FIG4: variants seen among roughly 807,000 people sequenced by gnomAD.
FIG4 encodes FIG4 phosphoinositide 5-phosphatase, also known as polyphosphoinositide phosphatase.
Under a neutral mutation model 118.6 loss-of-function variants are expected in FIG4, and 112 were observed. That is an observed-to-expected ratio of 0.94 (90% CI 0.81 to 1.11). FIG4 has a LOEUF of 1.11. Among genes scored for constraint, FIG4 ranks in the 50% least tolerant of loss-of-function variants. The pLI, the probability that FIG4 is intolerant of heterozygous loss-of-function variation, is 0.00. For synonymous variants in FIG4, 369 were observed against 381.2 expected (o/e 0.97, Z 0.37); for missense variants, 969 against 1,111.7 (o/e 0.87, Z 1.83).
At chr6:109,786,626 AT>A (rs1288895902) in intron 18 of FIG4, among the ~76,000 whole-genome samples, 177 bp downstream of exon 18, 2 of 152,124 alleles carry the variant, frequency 1.3e-5, no homozygotes, top group Admixed American at 1.3e-4. Flanking sequence ...AGCCCCTTCT[AT>A]TGTTCTATTG....
chr6:109,727,441 T>C (rs572627513), intron 4 of FIG4, among the ~76,000 whole-genome samples, 176 bp downstream of exon 4: 19 of 152,256 alleles, frequency 1.2e-4, no homozygotes, highest in Non-Finnish European at 2.1e-4. Context: ...ACAGTTTAGA[T>C]ATTATGAATG....
At chr6:109,717,165 AC>A (rs1775459083) in intron 3 of FIG4, among the ~76,000 whole-genome samples, 1 of 152,194 alleles carries the variant, frequency 6.6e-6, no homozygotes, top group Non-Finnish European at 1.5e-5. Flanking sequence ...GCTTTGGTTT[AC>A]CAACTCAGGT....
chr6:109,696,856 A>T (rs1278810669), intron 1 of FIG4, among the ~76,000 whole-genome samples: 1 of 152,156 alleles, frequency 6.6e-6, no homozygotes, highest in Admixed American at 6.5e-5. Context: ...TAAATAATTT[A>T]TCATAGATTT....
chr6:109,786,312 T>G lies in FIG4; in HGVS notation c.1959T>G (p.Ala653=). The G allele has an allele frequency of 6.2e-7, 1 of 1,612,446 alleles. No homozygotes were observed. The highest frequency in any genetic ancestry group is 8.5e-7 in the Non-Finnish European group (1 of 1,178,564). The part of the protein sequence containing the change: ...LPLPYDEVIC[A]VNLKKLIVKK... ...CAGTATCTCTCTTAGTTATCTGTGC[T>G]GTGAACTTAAAGAAGTTGATAGTGA... The change falls in exon 18 of 23, where the codon GCT becomes GCG. Residue 653 remains alanine (A), a synonymous_variant. Transcript: ENST00000230124.
Position 109,735,274 on chromosome 6 carries a change from G to A in FIG4, c.622G>A (p.Gly208Arg). 6.2e-7 allele frequency: 1 copy of A among 1,613,526 alleles called. No individual in the cohort carries two copies. Among genetic ancestry groups the A allele is most frequent in the South Asian group, 1.1e-5 (1 of 91,080 alleles). Residue 208 changes from glycine to arginine, a missense_variant, in exon 6 of 23, where the codon GGA (glycine) becomes AGA (arginine). Gly to Arg is a moderately radical substitution (Grantham distance 125, BLOSUM62 -2). Transcript: ENST00000230124. ...QESFDIFEDE[G>R]LITQGGSGVF... Reference sequence around the variant, plus strand: ...GAGCTTTGACATCTTTGAAGATGAAGGATTAATTACACAAGGTGGAAGCGG... The same window carrying A: ...GAGCTTTGACATCTTTGAAGATGAAAGATTAATTACACAAGGTGGAAGCGG...
intron 10 of FIG4, among the ~76,000 whole-genome samples, chr6:109,752,697 T>C (rs1256573481): frequency 2.0e-5 from 3 of 152,214 alleles, no homozygotes; most frequent in African/African-American, 7.2e-5. Flanking sequence ...TTTGTTTTTT[T>C]CTTGTAAATT....
At chr6:109,748,552 A>C (rs1174718086) in intron 10 of FIG4, among the ~76,000 whole-genome samples, 2 of 152,170 alleles carry the variant, frequency 1.3e-5, no homozygotes, top group African/African-American at 4.8e-5. Flanking sequence ...AAGATGTGAT[A>C]GTGGGAATGG....
intron 2 of FIG4, among the ~76,000 whole-genome samples, chr6:109,715,869 A>G (rs914671691): frequency 1.3e-5 from 2 of 152,230 alleles, no homozygotes; most frequent in Admixed American, 6.5e-5. Context: ...TGTAGTAACT[A>G]CAGTTTGGAA....
At chr6:109,739,601 T>G (rs1188792319) in intron 7 of FIG4, among the ~76,000 whole-genome samples, 1 of 152,194 alleles carries the variant, frequency 6.6e-6, no homozygotes, top group African/African-American at 2.4e-5. Context: ...TGGCCTCACA[T>G]CTTTCTCCAG....
At chr6:109,762,298 G>T in intron 12 of FIG4, 91 bp downstream of exon 12, 1 of 803,102 alleles carries the variant, frequency 1.2e-6, no homozygotes, top group Non-Finnish European at 2.2e-6. Flanking sequence ...TTGGAAATTG[G>T]ATGAATTTAG....
chr6:109,705,664 C>A (rs889936690), intron 1 of FIG4, among the ~76,000 whole-genome samples: 19 of 152,254 alleles, frequency 1.2e-4, no homozygotes, highest in African/African-American at 4.6e-4. Flanking sequence ...TGCATTTGCC[C>A]ATGAGCATGT....
intron 15 of FIG4, among the ~76,000 whole-genome samples, chr6:109,774,340 C>T (rs776939908): frequency 1.4e-4 from 21 of 151,806 alleles, no homozygotes; most frequent in Non-Finnish European, 2.4e-4. Context: ...TTTTAGTAGC[C>T]CTATGGTACT....
Position 109,743,671 on chromosome 6 carries a change from T to C in FIG4, c.1040-4T>C, listed in dbSNP as rs374343214. On this transcript the variant is annotated splice_polypyrimidine_tract_variant and splice_region_variant and intron_variant, in intron 9 of 22. Coordinates refer to ENST00000230124, the MANE Select transcript of FIG4 (RefSeq NM_014845.6). ...GGTGCTTTTTCATCTTTTTTCCTTC[T>C]CAGTGGATCAGGCAGATCCATTTGC... 71 of 1,604,134 alleles carry C rather than the reference T, an allele frequency of 4.4e-5. No homozygotes were observed. Among genetic ancestry groups the C allele is most frequent in the Non-Finnish European group, 5.6e-5 (66 of 1,171,790 alleles).
chr6:109,757,268 A>G (rs768339696), intron 10 of FIG4, among the ~76,000 whole-genome samples: 24 of 152,124 alleles, frequency 1.6e-4, no homozygotes, highest in South Asian at 6.2e-4. Context: ...CTCTTCCACT[A>G]TGATCAAGTC....
chr6:109,694,361 T>C lies in FIG4; in HGVS notation c.66+2860T>C, dbSNP rs141965670. On this transcript the variant is annotated intron_variant, in intron 1 of 22. Coordinates refer to ENST00000230124, the MANE Select transcript of FIG4 (RefSeq NM_014845.6). ...GGGAAAGGACAGTCTCTTCAATAAA[T>C]GGTGTTGAGAAAACTGGATATCCAT... is the stretch of plus-strand genomic sequence containing the variant. Among the ~76,000 whole-genome samples, 23 of 152,294 alleles carry C rather than the reference T, an allele frequency of 1.5e-4. No homozygotes were observed. In the East Asian group the frequency reaches 4.4e-3, roughly 29 times the overall value.
intron 22 of FIG4, among the ~76,000 whole-genome samples, chr6:109,798,870 T>A (rs1398904469): frequency 2.6e-5 from 4 of 152,196 alleles, no homozygotes; most frequent in Non-Finnish European, 5.9e-5. Flanking sequence ...CACTTTGTGT[T>A]GTTATAACTA....
chr6:109,697,976 C>T (rs1774783006), intron 1 of FIG4, among the ~76,000 whole-genome samples: 1 of 151,914 alleles, frequency 6.6e-6, no homozygotes, highest in South Asian at 2.1e-4. Context: ...GCAACCTCTG[C>T]CTCCTGGGTT....
chr6:109,713,393 T>C (rs1204011106), intron 1 of FIG4, among the ~76,000 whole-genome samples: 2 of 152,070 alleles, frequency 1.3e-5, no homozygotes, highest in Admixed American at 6.5e-5. Context: ...CACTGGTAGG[T>C]GCAGGTCTAT....
intron 11 of FIG4, among the ~76,000 whole-genome samples, chr6:109,761,122 T>C (rs1777091751): frequency 6.6e-6 from 1 of 152,248 alleles, no homozygotes; most frequent in Admixed American, 6.5e-5. Context: ...AGTCATTTTA[T>C]ACAGTTAGAT....
Sources: gnomAD v4.1 joint callset for allele counts (sites outside exome capture counted in the v4.1 genomes callset) on GRCh38, gnomAD v4.1.1 for gene constraint, MANE v1.5 for transcripts, NCBI Gene and HGNC (gene_info 2026-07-23, HGNC 2026-07-21) for gene names.